Variants in TMEM132B observed in about 807,000 individuals in gnomAD.
TMEM132B encodes the protein transmembrane protein 132B.
TMEM132B carries 18 observed loss-of-function variants against 90.8 expected under a neutral mutation model. The ratio of observed to expected loss-of-function variants is 0.20; its 90% CI spans 0.14 to 0.29. TMEM132B has a LOEUF of 0.29. Ranked by LOEUF, TMEM132B falls within the 10% of genes least tolerant of loss-of-function variation. TMEM132B has a pLI of 1.00. For synonymous variants in TMEM132B, 504 were observed against 523.3 expected, an observed-to-expected ratio of 0.96 and a Z score of 0.50; for missense variants, 1,096 against 1,326.8, an observed-to-expected ratio of 0.83 and a Z score of 2.70.
At chr12:125,519,680 T>C in intron 4 of TMEM132B, 55 bp downstream of exon 4, 1 of 1,550,792 alleles carries the variant, frequency 6.4e-7, no homozygotes, top group Admixed American at 1.7e-5. Context: ...TCTTTAAACA[T>C]GATGCACTGT....
At chr12:125,222,964 C>G (rs1565978170) in intron 1 of TMEM132B, among the ~76,000 whole-genome samples, 1 of 152,166 alleles carries the variant, frequency 6.6e-6, no homozygotes, top group Non-Finnish European at 1.5e-5. Flanking sequence ...ACTGTAGATT[C>G]AATACATTAC....
chr12:125,236,013 G>T (rs938817627), intron 1 of TMEM132B, among the ~76,000 whole-genome samples: 2 of 151,972 alleles, frequency 1.3e-5, no homozygotes, highest in African/African-American at 4.8e-5. Flanking sequence ...ATGTTGGCCA[G>T]GCTGGTCTTG....
intron 5 of TMEM132B, among the ~76,000 whole-genome samples, chr12:125,592,847 G>A (rs1394601391): frequency 6.6e-6 from 1 of 152,216 alleles, no homozygotes; most frequent in Non-Finnish European, 1.5e-5. Flanking sequence ...AGACGAACAA[G>A]TGTGGTAGGT....
chr12:125,326,693 G>A, intron 1 of TMEM132B: 1 of 1,602,524 alleles, frequency 6.2e-7, no homozygotes, highest in South Asian at 1.1e-5. Flanking sequence ...GGAAGGGAAT[G>A]GCCTGGTGCA....
intron 1 of TMEM132B, among the ~76,000 whole-genome samples, chr12:125,337,601 G>A (rs551550229): frequency 4.9e-4 from 75 of 152,292 alleles, no homozygotes; most frequent in East Asian, 1.7e-3. Context: ...CAATACGGTC[G>A]ACGAGGAAGT....
chr12:125,629,353 G>A (rs752881653), intron 5 of TMEM132B, among the ~76,000 whole-genome samples: 39 of 151,742 alleles, frequency 2.6e-4, no homozygotes, highest in Non-Finnish European at 4.1e-4. Context: ...TATAGAGATC[G>A]TTTACTTCTT....
At chr12:125,598,820 TCAAATTCCC>T (rs1885506148) in intron 5 of TMEM132B, among the ~76,000 whole-genome samples, 1 of 152,000 alleles carries the variant, frequency 6.6e-6, no homozygotes, top group Non-Finnish European at 1.5e-5. Context: ...TTGAACTACC[TCAAATTCCC>T]CTAATAGAGG....
intron 1 of TMEM132B, among the ~76,000 whole-genome samples, chr12:125,189,948 C>G (rs79938612): frequency 6.6e-6 from 1 of 152,086 alleles, no homozygotes; most frequent in Non-Finnish European, 1.5e-5. Flanking sequence ...GGGTCCATTT[C>G]CCCTGAAGCC....
At chr12:125,216,023 C>T (rs2136069312) in intron 1 of TMEM132B, among the ~76,000 whole-genome samples, 1 of 152,380 alleles carries the variant, frequency 6.6e-6, no homozygotes, top group Admixed American at 6.5e-5. Flanking sequence ...TCTGCCCCTT[C>T]TTAAGAATCT....
intron 2 of TMEM132B, among the ~76,000 whole-genome samples, chr12:125,363,185 C>A (rs1878016089): frequency 6.6e-6 from 1 of 152,202 alleles, no homozygotes; most frequent in Non-Finnish European, 1.5e-5. Flanking sequence ...CAGTTTTAAA[C>A]TTAAGTGTAA....
intron 3 of TMEM132B, among the ~76,000 whole-genome samples, chr12:125,466,095 G>C (rs557026056): frequency 6.6e-6 from 1 of 152,318 alleles, no homozygotes; most frequent in African/African-American, 2.4e-5. Flanking sequence ...TCAGAAGAGA[G>C]GTCTGGCCTG....
At chr12:125,252,699 C>T (rs1555234120) in intron 1 of TMEM132B, among the ~76,000 whole-genome samples, 1 of 152,172 alleles carries the variant, frequency 6.6e-6, no homozygotes, top group Non-Finnish European at 1.5e-5. Flanking sequence ...TCCCACAGAA[C>T]CACACAGACA....
At position 125,659,103 on chromosome 12, in the gene TMEM132B, A is replaced by G. The variant is rs1288889034; in HGVS notation, c.*4393A>G. ...TAAAGCAGCTGTATGGTTGGCTATA[A>G]TATAGATTTATTTTTTCTTTTCAGC... On this transcript the variant is annotated 3_prime_UTR_variant, in exon 9 of 9. Coordinates refer to ENST00000682704, the MANE Select transcript of TMEM132B (RefSeq NM_001366854.1). 1 of 152,216 alleles carries G rather than the reference A, an allele frequency of 6.6e-6. No individual in the cohort carries two copies. Among genetic ancestry groups the G allele is most frequent in the African/African-American group, 2.4e-5 (1 of 41,462 alleles). The allele number at this position is 152,216 out of a possible 1,614,324, so 9.4% of individuals were successfully genotyped here.
chr12:125,605,601 C>T (rs139516878), intron 5 of TMEM132B, among the ~76,000 whole-genome samples: 2 of 152,166 alleles, frequency 1.3e-5, no homozygotes, highest in African/African-American at 4.8e-5. Context: ...AATCTCTCCT[C>T]TTAATTTTCA....
At chr12:125,223,445 A>T (rs975736945) in intron 1 of TMEM132B, among the ~76,000 whole-genome samples, 5 of 152,342 alleles carry the variant, frequency 3.3e-5, no homozygotes, top group Non-Finnish European at 2.9e-5. Flanking sequence ...GTTATTTGTA[A>T]AATTTTTACT....
chr12:125,547,604 C>T (rs143508358), intron 4 of TMEM132B, among the ~76,000 whole-genome samples: 400 of 152,248 alleles, frequency 2.6e-3, no homozygotes, highest in Non-Finnish European at 4.8e-3. Flanking sequence ...GTTAACTTGT[C>T]TAGACTTAAA....
intron 1 of TMEM132B, among the ~76,000 whole-genome samples, chr12:125,306,133 A>C (rs1430991959): frequency 6.6e-6 from 1 of 152,244 alleles, no homozygotes; most frequent in African/African-American, 2.4e-5. Flanking sequence ...AAGGAGGTGG[A>C]CACTGCCCAT....
chr12:125,300,171 G>A (rs1875785213), intron 1 of TMEM132B, among the ~76,000 whole-genome samples: 1 of 151,348 alleles, frequency 6.6e-6, no homozygotes, highest in South Asian at 2.1e-4. Flanking sequence ...CCCAGCCACG[G>A]CCCTTCCTCT....
intron 4 of TMEM132B, among the ~76,000 whole-genome samples, chr12:125,570,133 G>A (rs1884756800): frequency 6.6e-6 from 1 of 152,126 alleles, no homozygotes; most frequent in African/African-American, 2.4e-5. Flanking sequence ...GAGCCAATGG[G>A]AAAAAAGAAA....
Sources: gnomAD v4.1 joint callset for allele counts (sites outside exome capture counted in the v4.1 genomes callset) on GRCh38, gnomAD v4.1.1 for gene constraint, MANE v1.5 for transcripts, NCBI Gene and HGNC (gene_info 2026-07-23, HGNC 2026-07-21) for gene names.